Variants in PCDHA13 observed in about 807,000 individuals in gnomAD.
The protein encoded by PCDHA13 is protocadherin alpha 13.
A neutral mutation model predicts 64.8 loss-of-function variants in PCDHA13; 54 were observed. The observed-to-expected ratio is 0.83, with a 90% confidence interval of 0.67 to 1.04. The LOEUF is 1.04. Among genes scored for constraint, PCDHA13 ranks in the 50% least tolerant of loss-of-function variants. The pLI is 0.00. For synonymous variants in PCDHA13, 587 were observed against 564.4 expected (o/e 1.04, Z -0.57); for missense variants, 1,248 against 1,254.3 (o/e 0.99, Z 0.08).
intron 1 of PCDHA13, among the ~76,000 whole-genome samples, chr5:140,946,113 G>T (rs1241993026): frequency 6.6e-6 from 1 of 151,816 alleles, no homozygotes; most frequent in Non-Finnish European, 1.5e-5. Context: ...AAATATATAA[G>T]GAACTCAAAC....
At chr5:140,966,973 G>A (rs782189736) in intron 1 of PCDHA13, 9 of 1,602,936 alleles carry the variant, frequency 5.6e-6, no homozygotes, top group African/African-American at 4.0e-5. Flanking sequence ...GGCTTGAGCT[G>A]CGGCGCTTGG....
At chr5:140,915,772 G>A (rs1282338375) in intron 1 of PCDHA13, among the ~76,000 whole-genome samples, 1 of 151,950 alleles carries the variant, frequency 6.6e-6, no homozygotes, top group East Asian at 1.9e-4. Flanking sequence ...CTTGTCCAAG[G>A]CCTGCTGTAA....
At chr5:140,891,818 C>T (rs1331998195) in intron 1 of PCDHA13, among the ~76,000 whole-genome samples, 1 of 152,118 alleles carries the variant, frequency 6.6e-6, no homozygotes, top group Non-Finnish European at 1.5e-5. Context: ...AATAAATTAA[C>T]GGCACTGTAA....
chr5:140,926,943 T>C (rs2083677139), intron 1 of PCDHA13: 1 of 1,587,096 alleles, frequency 6.3e-7, no homozygotes, highest in Non-Finnish European at 8.6e-7. Context: ...CCTGCGGCGC[T>C]GCAGCGGGAC....
intron 1 of PCDHA13, among the ~76,000 whole-genome samples, chr5:140,950,022 A>T (rs1355491628): frequency 6.6e-6 from 1 of 151,918 alleles, no homozygotes; most frequent in Non-Finnish European, 1.5e-5. Context: ...CCTTCATAAA[A>T]TATAGAAAAG....
intron 1 of PCDHA13, among the ~76,000 whole-genome samples, chr5:140,913,995 A>T (rs541070374): frequency 6.6e-6 from 1 of 152,288 alleles, no homozygotes; most frequent in Admixed American, 6.5e-5. Context: ...TGTGACTAGC[A>T]TATGGTCTAT....
At chr5:140,897,667 A>G (rs2066254740) in intron 1 of PCDHA13, among the ~76,000 whole-genome samples, 1 of 152,134 alleles carries the variant, frequency 6.6e-6, no homozygotes, top group Non-Finnish European at 1.5e-5. Context: ...ATGTGTCTTT[A>G]TAGCAGCATG....
intron 1 of PCDHA13, chr5:140,969,446 C>A (rs782526198): frequency 6.5e-7 from 1 of 1,541,082 alleles, no homozygotes; most frequent in African/African-American, 1.4e-5. Flanking sequence ...ATCTGGTAAA[C>A]TGAGTATATA....
At chr5:141,001,885 A>C (rs1462586962) in intron 3 of PCDHA13, among the ~76,000 whole-genome samples, 2 of 152,228 alleles carry the variant, frequency 1.3e-5, no homozygotes, top group African/African-American at 2.4e-5. Context: ...GAAGGAGCAA[A>C]GAAATCGGGG....
At chr5:140,899,402 G>C (rs1465071147) in intron 1 of PCDHA13, among the ~76,000 whole-genome samples, 20 of 152,122 alleles carry the variant, frequency 1.3e-4, no homozygotes, top group East Asian at 7.7e-4. Flanking sequence ...TAGCATGAAG[G>C]GTTGTTGAAT....
chr5:140,937,933 A>C (rs1452935525), intron 1 of PCDHA13, among the ~76,000 whole-genome samples: 1 of 151,854 alleles, frequency 6.6e-6, no homozygotes, highest in Non-Finnish European at 1.5e-5. Flanking sequence ...AAAAAGTTTA[A>C]TTTGATAATT....
intron 1 of PCDHA13, among the ~76,000 whole-genome samples, chr5:140,938,974 G>T (rs534312375): frequency 6.6e-6 from 1 of 152,230 alleles, no homozygotes; most frequent in Non-Finnish European, 1.5e-5. Context: ...TGGCATCAAG[G>T]CTATCCTGGC....
chr5:140,907,693 G>A (rs573463032), intron 1 of PCDHA13, among the ~76,000 whole-genome samples: 49 of 152,318 alleles, frequency 3.2e-4, no homozygotes, highest in Non-Finnish European at 6.5e-4. Flanking sequence ...GTGAGTGGAA[G>A]TCCCTGTTGC....
rs1214693088 is a variant in PCDHA13, at chr5:140,904,196, C to T, written c.2394+19534C>T. Among the ~76,000 whole-genome samples the T allele has an allele frequency of 1.1e-4, 17 of 152,034 alleles. No homozygotes were observed. In the East Asian group the frequency reaches 3.3e-3, roughly 29 times the overall value. On this transcript the variant is annotated intron_variant, in intron 1 of 3. Transcript: ENST00000289272. ...TTCCTCACCCCCTTCCCACCCTTTC[C>T]CCCTAAGTCCCCAAAGTCCATTGTA... is the stretch of plus-strand genomic sequence containing the variant.
intron 3 of PCDHA13, among the ~76,000 whole-genome samples, chr5:140,995,529 C>T (rs1191657600): frequency 6.6e-6 from 1 of 152,078 alleles, no homozygotes. Context: ...GAAATCAAAC[C>T]TCAAATAAGG....
intron 3 of PCDHA13, among the ~76,000 whole-genome samples, chr5:140,993,767 G>T (rs115607244): frequency 1.3e-5 from 2 of 152,010 alleles, no homozygotes; most frequent in African/African-American, 4.8e-5. Flanking sequence ...TTACAATTGC[G>T]CAGTATTTTG....
intron 1 of PCDHA13, among the ~76,000 whole-genome samples, chr5:140,912,358 T>G (rs2075885370): frequency 1.4e-5 from 2 of 146,130 alleles, no homozygotes; most frequent in African/African-American, 2.6e-5. Flanking sequence ...TTTTTTTTTT[T>G]GCAGCTGTTG....
At chr5:140,981,828 A>C (rs2096952526) in intron 2 of PCDHA13, among the ~76,000 whole-genome samples, 1 of 152,060 alleles carries the variant, frequency 6.6e-6, no homozygotes, top group Non-Finnish European at 1.5e-5. Context: ...GCTTGCCTCT[A>C]AAGGTCTCCC....
chr5:140,898,330 G>A (rs536378486), intron 1 of PCDHA13, among the ~76,000 whole-genome samples: 29 of 152,102 alleles, frequency 1.9e-4, no homozygotes, highest in African/African-American at 6.0e-4. Flanking sequence ...TGGGTCTAAC[G>A]TTTAAGTCTT....
Sources: allele counts gnomAD v4.1 joint callset (sites outside exome capture counted in the v4.1 genomes callset), GRCh38; gene constraint gnomAD v4.1.1; transcripts MANE v1.5; gene names NCBI Gene and HGNC (gene_info 2026-07-23, HGNC 2026-07-21).